MAP3K10: variants seen among roughly 807,000 people sequenced by gnomAD.
The protein encoded by MAP3K10 is MKN28 derived nonreceptor_type serine/threonine kinase.
In MAP3K10, 22 loss-of-function variants were observed where a neutral mutation model predicts 75.0. The ratio of observed to expected loss-of-function variants is 0.29; its 90% CI spans 0.21 to 0.42. MAP3K10 has a LOEUF of 0.42. Among genes scored for constraint, MAP3K10 ranks in the 10% least tolerant of loss-of-function variants. The probability of loss-of-function intolerance (pLI) is 1.00; values close to 1 mark genes in which losing one functional copy is unlikely to be tolerated. For synonymous variants in MAP3K10, 599 were observed against 612.9 expected (o/e 0.98, Z 0.34); for missense variants, 1,165 against 1,379.8 (o/e 0.84, Z 2.47).
intron 1 of MAP3K10, among the ~76,000 whole-genome samples, chr19:40,194,353 A>G (rs1006282349): frequency 1.3e-5 from 2 of 151,938 alleles, no homozygotes; most frequent in African/African-American, 4.8e-5. Flanking sequence ...GCAAGATTCC[A>G]TCGCAAAAAA....
rs965560428 is a variant in MAP3K10 at position 40,198,032 on chromosome 19, C to A, written c.683-343C>A. On this transcript the variant is annotated intron_variant, in intron 1 of 9. Coordinates refer to ENST00000253055, the MANE Select transcript of MAP3K10 (RefSeq NM_002446.4). The surrounding 1 kb of genome is among the most constrained non-coding windows in gnomAD (Gnocchi z 4.3). ...AGTTTTTGTAGAGATGAGGTCTTGC[C>A]ATGTTGCACAGGCTGGTCTCGAACT... is the stretch of plus-strand genomic sequence containing the variant. Among the ~76,000 whole-genome samples the A allele has an allele frequency of 5.9e-5, 9 of 152,118 alleles. No homozygotes were observed. The highest frequency in any genetic ancestry group is 1.3e-4 in the Non-Finnish European group (9 of 68,022).
Position 40,205,964 on chromosome 19 carries a change from C to T in MAP3K10, c.1242C>T (p.Phe414=). 1.2e-6 allele frequency: 2 copies of T among 1,608,024 alleles called. No individual in the cohort carries two copies. The highest frequency in any genetic ancestry group is 1.7e-6 in the Non-Finnish European group (2 of 1,177,068). Reference sequence around the variant, plus strand: ...TGCGGGCGGCACAGGAGCAGCGCTTCCAGGAGGAGCAGCTGCGGCGGCGGG... The same window carrying T: ...TGCGGGCGGCACAGGAGCAGCGCTTTCAGGAGGAGCAGCTGCGGCGGCGGG... ...ELLRAAQEQR[F]QEEQLRRREQ... Residue 414 remains phenylalanine (F), a synonymous_variant, in exon 5 of 10, where the codon TTC becomes TTT. Transcript: ENST00000253055. This position sits in a 1 kb window ranked among gnomAD's most constrained non-coding sequence, Gnocchi z 4.3.
rs199866647 is a variant in MAP3K10, at chr19:40,192,458, T to C, written c.427T>C (p.Cys143Arg). ...KDPAVTAEQV[C>R]QEARLFGALQ... The stretch of plus-strand genomic sequence containing the variant: ...CCCGGCAGTGACAGCGGAGCAGGTG[T>C]GCCAGGAAGCCCGGCTCTTTGGAGC... Residue 143 changes from cysteine to arginine, a missense_variant, in exon 1 of 10, where the codon TGC (cysteine) becomes CGC (arginine). By Grantham distance (180) the Cys-to-Arg change is radical. Around this residue, in one of 2 missense-constraint regions of MAP3K10, gnomAD observed 575 missense variants for 793.2 expected, o/e 0.72. Transcript: ENST00000253055. The surrounding 1 kb of genome is among the most constrained non-coding windows in gnomAD (Gnocchi z 7.1). 1.8e-5 allele frequency: 29 copies of C among 1,613,986 alleles called. No individual in the cohort carries two copies. The Admixed American group carries it at 2.3e-4, about 13-fold the overall frequency.
chr19:40,215,404 T>A lies in MAP3K10; in HGVS notation c.*112T>A. On this transcript the variant is annotated 3_prime_UTR_variant, in exon 10 of 10. Coordinates refer to ENST00000253055, the MANE Select transcript of MAP3K10 (RefSeq NM_002446.4). ...GCCCTGGGCAGGATGTTCACTCTAT[T>A]TATTGGGGAAGGAGGGAGGGGGGGG... 2 of 1,004,256 alleles carry A rather than the reference T, an allele frequency of 2.0e-6. No individual in the cohort carries two copies. The highest frequency in any genetic ancestry group is 2.9e-6 in the Non-Finnish European group (2 of 695,952). The allele number at this position is 1,004,256 out of a possible 1,614,324, so 62.2% of individuals were successfully genotyped here. A position where few individuals can be genotyped will look rare whatever the true frequency, so the allele number is the denominator to read the frequency against.
Position 40,212,786 on chromosome 19 carries a change from G to A in MAP3K10, c.1553-19G>A, listed in dbSNP as rs1382520511. ...GACAGATCCTCCACCCAGTAACCAA[G>A]TGGCTTCTCTGGACCCAGTGACTCC... is the stretch of plus-strand genomic sequence containing the variant. On this transcript the variant is annotated intron_variant, in intron 6 of 9. Coordinates refer to ENST00000253055, the MANE Select transcript of MAP3K10 (RefSeq NM_002446.4). The surrounding 1 kb of genome is among the most constrained non-coding windows in gnomAD (Gnocchi z 4.2). 6.4e-7 allele frequency: 1 copy of A among 1,574,648 alleles called. No individual in the cohort carries two copies. The highest frequency in any genetic ancestry group is 8.6e-7 in the Non-Finnish European group (1 of 1,161,272).
rs200795532 is a variant in MAP3K10 at position 40,198,568 on chromosome 19, G to A, written c.863+13G>A. On this transcript the variant is annotated intron_variant, in intron 2 of 9. Transcript: ENST00000253055. The surrounding 1 kb of genome is among the most constrained non-coding windows in gnomAD (Gnocchi z 4.3). ...GTGATGTCTGGAGGTGCTGAAAGGC[G>A]CGGCCGGGATGGCCTCTGGGGAGTA... 163 of 1,601,032 alleles carry A rather than the reference G, an allele frequency of 1.0e-4. No individual in the cohort carries two copies. In the African/African-American group the frequency reaches 1.3e-3, roughly 12 times the overall value.
In MAP3K10 at chr19:40,198,463, G is replaced by C; in HGVS notation, c.771G>C (p.Lys257Asn). The change falls in exon 2 of 10, where the codon AAG (lysine) becomes AAC (asparagine). Residue 257 changes from lysine to asparagine, a missense_variant. Physicochemically the swap from Lys to Asn is moderately conservative, Grantham distance 94. Around this residue, in one of 2 missense-constraint regions of MAP3K10, gnomAD observed 575 missense variants for 793.2 expected, o/e 0.72. Transcript: ENST00000253055. The surrounding 1 kb of genome is among the most constrained non-coding windows in gnomAD (Gnocchi z 4.3). ...TCGGCCTCGCCCGCGAGTGGCACAAGACCACCAAGATGAGCGCTGCGGGGA... is the reference window on the plus strand; with the variant it reads ...TCGGCCTCGCCCGCGAGTGGCACAACACCACCAAGATGAGCGCTGCGGGGA... ...TDFGLAREWH[K>N]TTKMSAAGTY... 4.3e-6 allele frequency: 7 copies of C among 1,614,206 alleles called. No individual in the cohort carries two copies. The highest frequency in any genetic ancestry group is 5.9e-6 in the Non-Finnish European group (7 of 1,180,032).
chr19:40,213,789 C>G lies in MAP3K10; in HGVS notation c.2110C>G (p.Arg704Gly). The change falls in exon 9 of 10, where the codon CGC (arginine) becomes GGC (glycine). Residue 704 changes from arginine (R) to glycine (G), a missense_variant. Around this residue, in one of 2 missense-constraint regions of MAP3K10, gnomAD observed 590 missense variants for 586.6 expected, o/e 1.01. Coordinates refer to ENST00000253055, the MANE Select transcript of MAP3K10 (RefSeq NM_002446.4). The surrounding 1 kb of genome is among the most constrained non-coding windows in gnomAD (Gnocchi z 5.7). ...ARAADGEEQR[R>G]WLDGLFFPRA... is the part of the protein sequence containing the mutation. ...CGCGGCCGACGGTGAGGAGCAGCGG[C>G]GCTGGCTCGACGGCCTCTTCTTTCC... The G allele has an allele frequency of 1.6e-6, 2 of 1,251,692 alleles. No individual in the cohort carries two copies. The highest frequency in any genetic ancestry group is 2.0e-6 in the Non-Finnish European group (2 of 992,328). The allele number at this position is 1,251,692 out of a possible 1,614,324, so 77.5% of individuals were successfully genotyped here.
intron 2 of MAP3K10, among the ~76,000 whole-genome samples, chr19:40,203,067 C>A (rs539029477): frequency 6.6e-6 from 1 of 152,280 alleles, no homozygotes; most frequent in East Asian, 1.9e-4. Context: ...ATGGGCCGGG[C>A]GCAGTGGCTC....
chr19:40,204,409 G>C lies in MAP3K10; in HGVS notation c.864-76G>C. 1 of 1,531,422 alleles carries C rather than the reference G, an allele frequency of 6.5e-7. No individual in the cohort carries two copies. Among genetic ancestry groups the C allele is most frequent in the Non-Finnish European group, 8.8e-7 (1 of 1,135,916 alleles). The allele number at this position is 1,531,422 out of a possible 1,614,324, so 94.9% of individuals were successfully genotyped here. A position where few individuals can be genotyped will look rare whatever the true frequency, so the allele number is the denominator to read the frequency against. On this transcript the variant is annotated intron_variant, in intron 2 of 9. Coordinates refer to ENST00000253055, the MANE Select transcript of MAP3K10 (RefSeq NM_002446.4). The surrounding 1 kb of genome is among the most constrained non-coding windows in gnomAD (Gnocchi z 4.3). ...TTGGGGTGAGGGCAGCCCTGCATGG[G>C]ACCAAGGGCAGGGCTGGGTATAGGT...
In MAP3K10 at chr19:40,205,913, G is replaced by A; in HGVS notation, c.1191G>A (p.Glu397=). The A allele has an allele frequency of 6.4e-7, 1 of 1,551,590 alleles. No individual in the cohort carries two copies. Among genetic ancestry groups the A allele is most frequent in the Non-Finnish European group, 8.7e-7 (1 of 1,145,432 alleles). ...CAGCCACCGCCTCTCCTTCCCAGGA[G>A]CTTCGGAGCCGTGAGGAGGAGCTGC... ...MFDDLRTKEK[E]LRSREEELLR... Residue 397 remains glutamate (E), a splice_region_variant and synonymous_variant, in exon 5 of 10, where the codon GAG becomes GAA. Coordinates refer to ENST00000253055, the MANE Select transcript of MAP3K10 (RefSeq NM_002446.4). The surrounding 1 kb of genome is among the most constrained non-coding windows in gnomAD (Gnocchi z 4.3).
chr19:40,210,094 C>T lies in MAP3K10; in HGVS notation c.1552+875C>T, dbSNP rs146411371. Among the ~76,000 whole-genome samples the T allele has an allele frequency of 3.0e-3, 454 of 151,726 alleles. 3 individuals are homozygous for T. The highest frequency in any genetic ancestry group is 0.01 in the African/African-American group (420 of 41,390). On this transcript the variant is annotated intron_variant, in intron 6 of 9. Coordinates refer to ENST00000253055, the MANE Select transcript of MAP3K10 (RefSeq NM_002446.4). ...CATCCTGGCTAATACGGTGAAACCC[C>T]GTCTCTACTAAAAATACAAAAAGTC...
Position 40,215,225 on chromosome 19 carries a change from A to T in MAP3K10, c.2798A>T (p.Asp933Val). 6.4e-7 allele frequency: 1 copy of T among 1,564,936 alleles called. No individual in the cohort carries two copies. Among genetic ancestry groups the T allele is most frequent in the Admixed American group, 1.9e-5 (1 of 52,832 alleles). ...CCCAGCGTGCAGCCCACACTGCTGGACATGGACATGGAGGGGCAGAACCAA... is the reference window on the plus strand; with the variant it reads ...CCCAGCGTGCAGCCCACACTGCTGGTCATGGACATGGAGGGGCAGAACCAA... ...GPPSVQPTLLDMDMEGQNQDS... is the reference protein window; with the variant it reads ...GPPSVQPTLLVMDMEGQNQDS... Residue 933 changes from aspartate to valine, a missense_variant, in exon 10 of 10, where the codon GAC becomes GTC. Asp to Val is a radical substitution (Grantham distance 152). Transcript: ENST00000253055.
chr19:40,209,714 G>T (rs1015413491), intron 6 of MAP3K10, among the ~76,000 whole-genome samples: 1 of 152,012 alleles, frequency 6.6e-6, no homozygotes, highest in Non-Finnish European at 1.5e-5. Context: ...GCGCCCGGGC[G>T]CAGGATAATT....
At position 40,214,010 on chromosome 19, in the gene MAP3K10, A is replaced by ACCCCCCCCCCCCCCCCCCCCCCCCC; in HGVS notation, c.2334_2335insCCCCCCCCCCCCCCCCCCCCCCCCC (p.Ser779ProfsTer81). 8.3e-6 allele frequency: 6 copies of ACCCCCCCCCCCCCCCCCCCCCCCCC among 726,368 alleles called. No homozygotes were observed. The highest frequency in any genetic ancestry group is 3.7e-6 in the Non-Finnish European group (2 of 538,524). The allele number at this position is 726,368 out of a possible 1,614,324, so 45.0% of individuals were successfully genotyped here. On this transcript the variant is annotated frameshift_variant, in exon 9 of 10. Coordinates refer to ENST00000253055, the MANE Select transcript of MAP3K10 (RefSeq NM_002446.4). LOFTEE classifies it high-confidence loss of function. ...CCGCACCGGCCGCGCCCTCCCCACCACCCTCCCCGCCCGCGCCCACACCCA... is the reference window on the plus strand; with the variant it reads ...CCGCACCGGCCGCGCCCTCCCCACCACCCCCCCCCCCCCCCCCCCCCCCCCCCCTCCCCGCCCGCGCCCACACCCA...
chr19:40,202,515 C>T (rs1054905290), intron 2 of MAP3K10, among the ~76,000 whole-genome samples: 3 of 152,084 alleles, frequency 2.0e-5, no homozygotes, highest in Non-Finnish European at 4.4e-5. Flanking sequence ...GGGATTTTCA[C>T]CTCTTATTTT....
Position 40,204,400 on chromosome 19 carries a change from C to A in MAP3K10, c.864-85C>A. The A allele has an allele frequency of 1.3e-6, 2 of 1,497,154 alleles. No individual in the cohort carries two copies. The highest frequency in any genetic ancestry group is 9.0e-7 in the Non-Finnish European group (1 of 1,113,474). The allele number at this position is 1,497,154 out of a possible 1,614,324, so 92.7% of individuals were successfully genotyped here. ...GGGTGGCTGTTGGGGTGAGGGCAGCCCTGCATGGGACCAAGGGCAGGGCTG... is the reference window on the plus strand; with the variant it reads ...GGGTGGCTGTTGGGGTGAGGGCAGCACTGCATGGGACCAAGGGCAGGGCTG... On this transcript the variant is annotated intron_variant, in intron 2 of 9. Transcript: ENST00000253055. The surrounding 1 kb of genome is among the most constrained non-coding windows in gnomAD (Gnocchi z 4.3).
chr19:40,212,713 G>T lies in MAP3K10; in HGVS notation c.1553-92G>T. ...CAAAAGAGCCCTTGGACTCCCAGGC[G>T]GAGGGTGGGCCTGAGCTGGGGGCAC... is the stretch of plus-strand genomic sequence containing the variant. On this transcript the variant is annotated intron_variant, in intron 6 of 9. Coordinates refer to ENST00000253055, the MANE Select transcript of MAP3K10 (RefSeq NM_002446.4). This position sits in a 1 kb window ranked among gnomAD's most constrained non-coding sequence, Gnocchi z 4.2. The T allele has an allele frequency of 1.3e-6, 2 of 1,497,676 alleles. No homozygotes were observed. The highest frequency in any genetic ancestry group is 1.8e-6 in the Non-Finnish European group (2 of 1,112,092). The allele number at this position is 1,497,676 out of a possible 1,614,324, so 92.8% of individuals were successfully genotyped here. A position where few individuals can be genotyped will look rare whatever the true frequency, so the allele number is the denominator to read the frequency against.
intron 6 of MAP3K10, among the ~76,000 whole-genome samples, chr19:40,210,762 G>GC (rs1292005521): frequency 6.6e-6 from 1 of 151,952 alleles, no homozygotes; most frequent in Admixed American, 6.6e-5. Flanking sequence ...GTGTCTCAGG[G>GC]CAGGAGAAGA....
Sources: allele counts gnomAD v4.1 joint callset (sites outside exome capture counted in the v4.1 genomes callset), GRCh38; gene constraint gnomAD v4.1.1; regional missense constraint gnomAD v4.1.1; non-coding constraint Gnocchi (gnomAD v3.1); transcripts MANE v1.5; gene names NCBI Gene and HGNC (gene_info 2026-07-23, HGNC 2026-07-21).